KIAA0319: variants seen among roughly 807,000 people sequenced by gnomAD.
KIAA0319 encodes KIAA0319.
Under a neutral mutation model 108.4 loss-of-function variants are expected in KIAA0319, and 83 were observed. That is an observed-to-expected ratio of 0.77 (90% CI 0.64 to 0.92). KIAA0319 has a LOEUF of 0.92. KIAA0319 is among the 40% of genes least tolerant of loss of function. KIAA0319 has a pLI of 0.00. For missense variants in KIAA0319, 1,195 were observed against 1,322.4 expected (o/e 0.90, Z 1.49); for synonymous variants, 484 against 510.4 (o/e 0.95, Z 0.70).
chr6:24,621,391 T>A (rs548988303), intron 1 of KIAA0319, among the ~76,000 whole-genome samples: 1 of 152,244 alleles, frequency 6.6e-6, no homozygotes, highest in Admixed American at 6.5e-5. Context: ...AAAAGAGAAT[T>A]GAGCTCTCTA....
At chr6:24,588,828 A>T (rs747910270) in intron 3 of KIAA0319, 43 bp from the exon 4 acceptor site, 1 of 1,495,382 alleles carries the variant, frequency 6.7e-7, no homozygotes, top group African/African-American at 1.4e-5. Flanking sequence ...TAAAAAAAAA[A>T]CAGTCCAACT....
intron 16 of KIAA0319, among the ~76,000 whole-genome samples, chr6:24,563,156 A>G (rs1763326273): frequency 6.6e-6 from 1 of 152,220 alleles, no homozygotes; most frequent in Non-Finnish European, 1.5e-5. Flanking sequence ...CAATCAGCAA[A>G]CATTTACTGA....
chr6:24,584,588 T>A (rs1767161196), intron 4 of KIAA0319, among the ~76,000 whole-genome samples: 1 of 152,128 alleles, frequency 6.6e-6, no homozygotes, highest in Non-Finnish European at 1.5e-5. Flanking sequence ...GTGGCTTTGC[T>A]GGCTCCTCTC....
In KIAA0319 at chr6:24,599,159, G is replaced by A; in HGVS notation, c.55+1890C>T. The stretch of plus-strand genomic sequence containing the variant: ...CTGAGGTCAAGGCCCAGTACAAGGA[G>A]ATCACCAACTGTAGCCAGGCCGGGG... On this transcript the variant is annotated intron_variant, in intron 2 of 20. Coordinates refer to ENST00000378214, the MANE Select transcript of KIAA0319 (RefSeq NM_014809.4). The surrounding 1 kb of genome is among the most constrained non-coding windows in gnomAD (Gnocchi z 4.1). The A allele has an allele frequency of 1.7e-6, 1 of 599,214 alleles. No individual in the cohort carries two copies. The highest frequency in any genetic ancestry group is 2.8e-5 in the East Asian group (1 of 35,728). 37.1% of individuals were successfully genotyped at this position (599,214 alleles called of 1,614,324 possible). A position where few individuals can be genotyped will look rare whatever the true frequency, so the allele number is the denominator to read the frequency against.
chr6:24,542,548 T>G (rs914691461), downstream of KIAA0319, among the ~76,000 whole-genome samples: 3 of 152,058 alleles, frequency 2.0e-5, no homozygotes, highest in African/African-American at 7.2e-5. Context: ...CTGGAGAGCA[T>G]AGTGAGACTC....
chr6:24,630,957 A>C (rs778950008), intron 1 of KIAA0319, among the ~76,000 whole-genome samples: 2 of 152,210 alleles, frequency 1.3e-5, no homozygotes, highest in Non-Finnish European at 2.9e-5. Flanking sequence ...AAGGGAATGG[A>C]AACAGCCCAA....
In KIAA0319 at chr6:24,591,981, C is replaced by T. The variant is rs912356060; in HGVS notation, c.802-3196G>A. Among the ~76,000 whole-genome samples the T allele has an allele frequency of 4.6e-5, 7 of 151,986 alleles. No individual in the cohort carries two copies. The South Asian group carries it at 1.2e-3, about 27-fold the overall frequency. ...ATCCCATTTTATGGTATATTTATTCCATCAAGAAAGCTTTACTCTTTTGAT... is the reference window on the plus strand; with the variant it reads ...ATCCCATTTTATGGTATATTTATTCTATCAAGAAAGCTTTACTCTTTTGAT... On this transcript the variant is annotated intron_variant, in intron 3 of 20. Coordinates refer to ENST00000378214, the MANE Select transcript of KIAA0319 (RefSeq NM_014809.4).
At chr6:24,625,116 C>G (rs796878401) in intron 1 of KIAA0319, among the ~76,000 whole-genome samples, 1 of 152,152 alleles carries the variant, frequency 6.6e-6, no homozygotes, top group Admixed American at 6.5e-5. Context: ...TACCCCATAA[C>G]TTCTGTTTTT....
At chr6:24,628,166 T>G (rs1020049922) in intron 1 of KIAA0319, among the ~76,000 whole-genome samples, 5 of 152,214 alleles carry the variant, frequency 3.3e-5, no homozygotes, top group Admixed American at 6.5e-5. Context: ...TTTTTAAAAA[T>G]CTAAACTTCC....
At chr6:24,609,482 C>T (rs1054764208) in intron 1 of KIAA0319, among the ~76,000 whole-genome samples, 1 of 151,378 alleles carries the variant, frequency 6.6e-6, no homozygotes, top group Admixed American at 6.6e-5. Flanking sequence ...GAGGCTGAGG[C>T]AGAAGAATTG....
At chr6:24,563,914 G>A (rs560267590) in intron 15 of KIAA0319, among the ~76,000 whole-genome samples, 1 of 152,176 alleles carries the variant, frequency 6.6e-6, no homozygotes, top group East Asian at 1.9e-4. Context: ...CTGTGCCCTG[G>A]TATGAGGCCC....
At chr6:24,594,469 A>G (rs1376377487) in intron 3 of KIAA0319, among the ~76,000 whole-genome samples, 1 of 151,716 alleles carries the variant, frequency 6.6e-6, no homozygotes, top group Non-Finnish European at 1.5e-5. Flanking sequence ...CTACTAAAAA[A>G]TACAAAAATT....
intron 1 of KIAA0319, among the ~76,000 whole-genome samples, chr6:24,630,197 T>C (rs1346749762): frequency 6.7e-6 from 1 of 149,822 alleles, no homozygotes; most frequent in Non-Finnish European, 1.5e-5. Context: ...AAAATAATAA[T>C]AGCGTGACAA....
chr6:24,600,469 C>A (rs969635908), intron 2 of KIAA0319: 7 of 576,112 alleles, frequency 1.2e-5, no homozygotes. Context: ...AGAGCCACAT[C>A]CCTAGGAGGT....
In KIAA0319 at chr6:24,544,671, G is replaced by A. The variant is rs1341031120; in HGVS notation, c.*2494C>T. Reference sequence around the variant, plus strand: ...AAACCAGCAACTAAAGTGCTTGTTAGCCTGTGAGCCCTACAAACACCCACT... The same window carrying A: ...AAACCAGCAACTAAAGTGCTTGTTAACCTGTGAGCCCTACAAACACCCACT... On this transcript the variant is annotated 3_prime_UTR_variant, in exon 21 of 21. Coordinates refer to ENST00000378214, the MANE Select transcript of KIAA0319 (RefSeq NM_014809.4). The A allele has an allele frequency of 6.6e-6, 1 of 152,162 alleles. No homozygotes were observed. The highest frequency in any genetic ancestry group is 1.5e-5 in the Non-Finnish European group (1 of 68,042). The allele number at this position is 152,162 out of a possible 1,614,324, so 9.4% of individuals were successfully genotyped here. A position where few individuals can be genotyped will look rare whatever the true frequency, so the allele number is the denominator to read the frequency against.
At chr6:24,566,883 AT>A (rs570521586) in intron 13 of KIAA0319, 135 bp from the exon 14 acceptor site, 34 of 736,062 alleles carry the variant, frequency 4.6e-5, no homozygotes, top group South Asian at 1.0e-4. Flanking sequence ...CCAAAAAGGC[AT>A]TTTTTTCCCC....
chr6:24,580,595 T>C (rs1766344357), intron 7 of KIAA0319, among the ~76,000 whole-genome samples: 1 of 152,200 alleles, frequency 6.6e-6, no homozygotes, highest in Non-Finnish European at 1.5e-5. Flanking sequence ...GTATTCAACA[T>C]GCCCCTGCTT....
At chr6:24,628,999 C>A (rs1289294177) in intron 1 of KIAA0319, among the ~76,000 whole-genome samples, 1 of 152,158 alleles carries the variant, frequency 6.6e-6, no homozygotes, top group East Asian at 1.9e-4. Context: ...GGGGACACCA[C>A]GCAACCCATA....
intron 2 of KIAA0319, chr6:24,598,506 G>A (rs1441961142): frequency 2.2e-6 from 1 of 463,426 alleles, no homozygotes; most frequent in East Asian, 5.0e-5. Flanking sequence ...AGGAAAAGCT[G>A]AAGCTGGAGG....
Sources: allele counts gnomAD v4.1 joint callset (sites outside exome capture counted in the v4.1 genomes callset), GRCh38; gene constraint gnomAD v4.1.1; non-coding constraint Gnocchi (gnomAD v3.1); transcripts MANE v1.5; gene names NCBI Gene and HGNC (gene_info 2026-07-23, HGNC 2026-07-21).